VIPR2: variants seen among roughly 807,000 people sequenced by gnomAD.
VIPR2 encodes vasoactive intestinal polypeptide receptor 2.
In VIPR2, 48 loss-of-function variants were observed where a neutral mutation model predicts 58.0. The observed-to-expected ratio is 0.83, with a 90% CI of 0.66 to 1.05. VIPR2 has a LOEUF of 1.05. Ranked by LOEUF, VIPR2 falls within the 50% of genes least tolerant of loss-of-function variation. The pLI, the probability that VIPR2 is intolerant of heterozygous loss-of-function variation, is 0.00. For missense variants in VIPR2, 534 were observed against 558.0 expected (o/e 0.96, Z 0.43); for synonymous variants, 243 against 235.2 (o/e 1.03, Z -0.30).
chr7:159,088,149 C>T (rs141005600), intron 4 of VIPR2, among the ~76,000 whole-genome samples: 152 of 152,320 alleles, frequency 1.0e-3, no homozygotes, highest in Admixed American at 5.5e-3. Context: ...TCTTCCTCTA[C>T]CTACTAGAGC....
At chr7:159,137,997 A>G (rs1207492547) in intron 2 of VIPR2, among the ~76,000 whole-genome samples, 2 of 152,258 alleles carry the variant, frequency 1.3e-5, no homozygotes, top group African/African-American at 4.8e-5. Context: ...TGCTCGGTTC[A>G]GACCTTCTGG....
At position 159,137,501 on chromosome 7, in the gene VIPR2, T is replaced by C. The variant is rs554809379; in HGVS notation, c.151+4945A>G. 3.9e-5 allele frequency among the ~76,000 whole-genome samples: 6 copies of C among 152,298 alleles called. No individual in the cohort carries two copies. In the East Asian group the frequency reaches 1.2e-3, roughly 29 times the overall value. On this transcript the variant is annotated intron_variant, in intron 2 of 12. Coordinates refer to ENST00000262178, the MANE Select transcript of VIPR2 (RefSeq NM_003382.5). The stretch of plus-strand genomic sequence containing the variant: ...AAGCAATCCTCCTGCCTCAGCCTCC[T>C]GAGAAGCTGGGACTATAGGTGTGTG...
chr7:159,143,893 T>C (rs1367354204), intron 1 of VIPR2, among the ~76,000 whole-genome samples: 3 of 152,214 alleles, frequency 2.0e-5, no homozygotes, highest in Non-Finnish European at 4.4e-5. Context: ...GAGCTGCGCC[T>C]CCGCGCAAGG....
intron 4 of VIPR2, among the ~76,000 whole-genome samples, chr7:159,080,427 T>C (rs976992691): frequency 4.1e-4 from 62 of 152,044 alleles, no homozygotes; most frequent in African/African-American, 1.3e-3. Flanking sequence ...ACCCTTCATG[T>C]TAAAAACTCT....
At chr7:159,100,722 C>T (rs1023595568) in intron 4 of VIPR2, among the ~76,000 whole-genome samples, 5 of 152,284 alleles carry the variant, frequency 3.3e-5, no homozygotes, top group Admixed American at 6.5e-5. Flanking sequence ...ACGGGTCTCA[C>T]GAGATCCGAT....
chr7:159,122,547 G>A (rs1257749323), intron 2 of VIPR2, among the ~76,000 whole-genome samples: 1 of 152,180 alleles, frequency 6.6e-6, no homozygotes, highest in African/African-American at 2.4e-5. Flanking sequence ...CTGCCACTGG[G>A]TGGGTCCGGA....
intron 4 of VIPR2, among the ~76,000 whole-genome samples, chr7:159,082,627 G>T (rs1024981031): frequency 6.6e-6 from 1 of 152,212 alleles, no homozygotes; most frequent in African/African-American, 2.4e-5. Flanking sequence ...ATAAAAAAAA[G>T]AATGTTTCTA....
At chr7:159,086,281 A>C (rs1359864198) in intron 4 of VIPR2, among the ~76,000 whole-genome samples, 5 of 152,176 alleles carry the variant, frequency 3.3e-5, no homozygotes, top group African/African-American at 4.8e-5. Flanking sequence ...TCCAACAGCA[A>C]GGTAAAGCAC....
rs1853522961 is a variant in VIPR2 at position 159,030,884 on chromosome 7, C to T, written c.1144-95G>A. The T allele has an allele frequency of 2.2e-6, 3 of 1,371,582 alleles. No homozygotes were observed. In the East Asian group the frequency reaches 8.1e-5, roughly 37 times the overall value. 85.0% of individuals were successfully genotyped at this position (1,371,582 alleles called of 1,614,324 possible). A position where few individuals can be genotyped will look rare whatever the true frequency, so the allele number is the denominator to read the frequency against. ...GCCCGCGAGCCTCCAGCTCTCCCTC[C>T]CGCCTGCTCCCGTATCTGTGTTGCC... On this transcript the variant is annotated intron_variant, in intron 12 of 12. Coordinates refer to ENST00000262178, the MANE Select transcript of VIPR2 (RefSeq NM_003382.5).
chr7:159,142,392 C>T, intron 2 of VIPR2, 54 bp downstream of exon 2: 2 of 1,367,682 alleles, frequency 1.5e-6, no homozygotes, highest in Non-Finnish European at 1.0e-6. Context: ...GAGTGAGGCG[C>T]ATTCCCGGGT....
intron 4 of VIPR2, among the ~76,000 whole-genome samples, chr7:159,077,762 C>T (rs1279790602): frequency 6.6e-6 from 1 of 151,824 alleles, no homozygotes; most frequent in Non-Finnish European, 1.5e-5. Context: ...TGCCTGTTAT[C>T]AGATTCTAGC....
chr7:159,091,682 G>T (rs1221927081), intron 4 of VIPR2, among the ~76,000 whole-genome samples: 1 of 152,192 alleles, frequency 6.6e-6, no homozygotes, highest in Non-Finnish European at 1.5e-5. Flanking sequence ...CTCCTCCTGT[G>T]GTTCCCGGGA....
At chr7:159,043,531 C>A (rs1854470989) in intron 5 of VIPR2, among the ~76,000 whole-genome samples, 1 of 149,464 alleles carries the variant, frequency 6.7e-6, no homozygotes, top group African/African-American at 2.6e-5. Context: ...ATTCAAGAAA[C>A]AACAACAACA....
At chr7:159,064,308 C>T (rs1008641056) in intron 4 of VIPR2, among the ~76,000 whole-genome samples, 6 of 152,000 alleles carry the variant, frequency 3.9e-5, no homozygotes, top group East Asian at 1.9e-4. Context: ...ACCTGGGCCC[C>T]GTGGGCTCGA....
rs903305532 is a variant in VIPR2 at position 159,098,744 on chromosome 7, A to AT, written c.357+5012dup. Among the ~76,000 whole-genome samples, 4 of 152,080 alleles carry AT rather than the reference A, an allele frequency of 2.6e-5. No homozygotes were observed. Among genetic ancestry groups the AT allele is most frequent in the African/African-American group, 9.7e-5 (4 of 41,412 alleles). On this transcript the variant is annotated intron_variant, in intron 4 of 12. Coordinates refer to ENST00000262178, the MANE Select transcript of VIPR2 (RefSeq NM_003382.5). The surrounding 1 kb of genome is among the most constrained non-coding windows in gnomAD (Gnocchi z 5.2). Reference sequence around the variant, plus strand: ...AAGTCTGTGGCTTCTGTGGAGGCTAATTTTTTTTCTCGAATTTAATTAATT... The same window carrying AT: ...AAGTCTGTGGCTTCTGTGGAGGCTAATTTTTTTTTCTCGAATTTAATTAATT...
At chr7:159,066,849 G>A (rs762985510) in intron 4 of VIPR2, among the ~76,000 whole-genome samples, 9 of 152,186 alleles carry the variant, frequency 5.9e-5, no homozygotes, top group Non-Finnish European at 8.8e-5. Flanking sequence ...GGTAATCAAG[G>A]TTGACATCAA....
At chr7:159,094,574 G>A (rs1313055372) in intron 4 of VIPR2, among the ~76,000 whole-genome samples, 2 of 152,212 alleles carry the variant, frequency 1.3e-5, no homozygotes, top group African/African-American at 4.8e-5. Context: ...GTGCACTGCT[G>A]TTACCCCAAG....
At chr7:159,042,218 A>C (rs1162058196) in intron 6 of VIPR2, among the ~76,000 whole-genome samples, 1 of 152,070 alleles carries the variant, frequency 6.6e-6, no homozygotes, top group Non-Finnish European at 1.5e-5. Flanking sequence ...GCGGGAGGAG[A>C]GTCTGGAGCT....
intron 4 of VIPR2, among the ~76,000 whole-genome samples, chr7:159,100,786 CGGTT>C (rs1858161397): frequency 2.7e-5 from 4 of 147,948 alleles, no homozygotes; most frequent in African/African-American, 1.0e-4. Flanking sequence ...TCCGACGAGG[CGGTT>C]CCCCCAACTG....
Sources: allele counts gnomAD v4.1 joint callset (sites outside exome capture counted in the v4.1 genomes callset), GRCh38; gene constraint gnomAD v4.1.1; non-coding constraint Gnocchi (gnomAD v3.1); transcripts MANE v1.5; gene names NCBI Gene and HGNC (gene_info 2026-07-23, HGNC 2026-07-21).